The following SHROOM3 variants were observed in gnomAD, a reference collection of about 807,000 sequenced individuals.
SHROOM3 encodes protein Shroom3.
Under a neutral mutation model 138.6 loss-of-function variants are expected in SHROOM3, and 47 were observed. The observed-to-expected ratio is 0.34, with a 90% CI of 0.27 to 0.43. The LOEUF is 0.43. Among genes scored for constraint, SHROOM3 ranks in the 20% least tolerant of loss-of-function variants. The probability of loss-of-function intolerance (pLI) is 1.00; values close to 1 mark genes in which losing one functional copy is unlikely to be tolerated. For synonymous variants in SHROOM3, 1,062 were observed against 1,063.3 expected (o/e 1.00, Z 0.02); for missense variants, 2,491 against 2,596.5 (o/e 0.96, Z 0.88).
intron 2 of SHROOM3, among the ~76,000 whole-genome samples, chr4:76,578,882 A>G (rs1733987817): frequency 6.6e-6 from 1 of 152,244 alleles, no homozygotes; most frequent in South Asian, 2.1e-4. Flanking sequence ...TGAATTTAAT[A>G]AAGTTTTTTG....
intron 2 of SHROOM3, among the ~76,000 whole-genome samples, chr4:76,695,314 A>C (rs1031376165): frequency 1.3e-5 from 2 of 152,152 alleles, no homozygotes; most frequent in African/African-American, 2.4e-5. Flanking sequence ...ATTTGTGAAC[A>C]AAAAATTGGA....
chr4:76,771,578 C>T (rs953921937), intron 10 of SHROOM3, among the ~76,000 whole-genome samples: 1 of 152,170 alleles, frequency 6.6e-6, no homozygotes, highest in African/African-American at 2.4e-5. Flanking sequence ...TGAGGGGCCA[C>T]AGGCACTCAG....
chr4:76,623,462 T>C (rs919376630), intron 2 of SHROOM3, among the ~76,000 whole-genome samples: 3 of 152,228 alleles, frequency 2.0e-5, no homozygotes, highest in African/African-American at 7.2e-5. Context: ...GAAAGTTAAT[T>C]GCCAGAGGTT....
intron 2 of SHROOM3, among the ~76,000 whole-genome samples, chr4:76,680,786 A>G (rs1394389864): frequency 1.3e-5 from 2 of 152,364 alleles, no homozygotes; most frequent in East Asian, 3.9e-4. Flanking sequence ...TAAGCGCTGC[A>G]GCCAGGACTC....
rs117078450 is a variant in SHROOM3, at chr4:76,623,482, G to A, written c.323+67719G>A. 2.7e-4 allele frequency among the ~76,000 whole-genome samples: 41 copies of A among 152,306 alleles called. 1 individual carries two copies. In the East Asian group the frequency reaches 7.7e-3, roughly 29 times the overall value. ...TTAATTGCCAGAGGTTCCAAGGAAA[G>A]CACTGGACTACCACTCGGAATCCTC... On this transcript the variant is annotated intron_variant, in intron 2 of 10. Coordinates refer to ENST00000296043, the MANE Select transcript of SHROOM3 (RefSeq NM_020859.4).
intron 2 of SHROOM3, among the ~76,000 whole-genome samples, chr4:76,667,966 C>CAAAAAAAAAAAAAAAAAAAAAAA (rs747974205): frequency 1.6e-5 from 1 of 62,556 alleles, no homozygotes; most frequent in Non-Finnish European, 2.9e-5. Context: ...GACTCCCTCT[C>CAAAAAAAAAAAAAAAAAAAAAAA]AAAAAAAAAA....
Position 76,571,428 on chromosome 4 carries a change from A to C in SHROOM3, c.323+15665A>C, listed in dbSNP as rs367744780. On this transcript the variant is annotated intron_variant, in intron 2 of 10. Transcript: ENST00000296043. ...ATTTGCTTTGCTTTAAAGAAAGCAC[A>C]CACTGGGCCCTTTTGTTTTCCCAGC... Among the ~76,000 whole-genome samples the C allele has an allele frequency of 1.3e-5, 2 of 152,250 alleles. 1 individual carries two copies. Among genetic ancestry groups the C allele is most frequent in the East Asian group, 3.8e-4 (2 of 5,200 alleles).
At chr4:76,721,944 T>A (rs1410608184) in intron 3 of SHROOM3, among the ~76,000 whole-genome samples, 3 of 152,172 alleles carry the variant, frequency 2.0e-5, no homozygotes, top group Non-Finnish European at 4.4e-5. Context: ...CATGGTTATT[T>A]ATATTAATCC....
At chr4:76,744,177 ATTTGGAAAAC>A (rs1721355869) in intron 5 of SHROOM3, among the ~76,000 whole-genome samples, 1 of 152,220 alleles carries the variant, frequency 6.6e-6, no homozygotes, top group South Asian at 2.1e-4. Context: ...ACTTTGTATT[ATTTGGAAAAC>A]TTTTTAGAAA....
chr4:76,550,656 A>T (rs1228193284), intron 1 of SHROOM3, among the ~76,000 whole-genome samples: 1 of 152,136 alleles, frequency 6.6e-6, no homozygotes, highest in Non-Finnish European at 1.5e-5. Flanking sequence ...GAATCAAAAC[A>T]TGAAGTAGGG....
intron 1 of SHROOM3, among the ~76,000 whole-genome samples, chr4:76,510,543 G>GCTTA (rs1732313216): frequency 6.6e-6 from 1 of 152,228 alleles, no homozygotes; most frequent in African/African-American, 2.4e-5. Context: ...TACACAAAGT[G>GCTTA]CTTAGCACAG....
At chr4:76,498,463 C>G (rs947739422) in intron 1 of SHROOM3, among the ~76,000 whole-genome samples, 1 of 152,014 alleles carries the variant, frequency 6.6e-6, no homozygotes. Context: ...GGAGAGAGCT[C>G]GTCCTCTTTG....
At chr4:76,734,889 A>G (rs1332999148) in intron 4 of SHROOM3, among the ~76,000 whole-genome samples, 1 of 152,226 alleles carries the variant, frequency 6.6e-6, no homozygotes, top group African/African-American at 2.4e-5. Flanking sequence ...GGTAACAGGC[A>G]TAAAGGAGAG....
intron 2 of SHROOM3, among the ~76,000 whole-genome samples, chr4:76,665,105 G>C (rs780344563): frequency 5.3e-5 from 8 of 152,126 alleles, no homozygotes; most frequent in African/African-American, 1.2e-4. Context: ...TTCTTACCAG[G>C]GTTTCCACAG....
chr4:76,495,267 TG>T (rs1211582606), intron 1 of SHROOM3, among the ~76,000 whole-genome samples: 5 of 152,196 alleles, frequency 3.3e-5, no homozygotes, highest in Non-Finnish European at 7.3e-5. Context: ...AGCTGTAAGC[TG>T]TTGTATTGGC....
chr4:76,685,958 C>A (rs547310449), intron 2 of SHROOM3, among the ~76,000 whole-genome samples: 1 of 152,054 alleles, frequency 6.6e-6, no homozygotes, highest in African/African-American at 2.4e-5. Flanking sequence ...GGTGACAGAG[C>A]GAGACTCCAT....
intron 2 of SHROOM3, among the ~76,000 whole-genome samples, chr4:76,644,072 G>A (rs1176689155): frequency 1.3e-5 from 2 of 152,016 alleles, no homozygotes; most frequent in African/African-American, 4.8e-5. Flanking sequence ...TCAAACTCCT[G>A]ACCTCAGGTG....
At chr4:76,487,538 A>G (rs1731757965) in intron 1 of SHROOM3, among the ~76,000 whole-genome samples, 1 of 152,202 alleles carries the variant, frequency 6.6e-6, no homozygotes, top group Non-Finnish European at 1.5e-5. Context: ...ATTTAAAGTC[A>G]TCTTATTAAT....
chr4:76,459,485 TCG>T (rs1731098807), intron 1 of SHROOM3, among the ~76,000 whole-genome samples: 1 of 152,184 alleles, frequency 6.6e-6, no homozygotes, highest in Non-Finnish European at 1.5e-5. Flanking sequence ...TGACAGCACT[TCG>T]GCAGGGAGCT....
Sources: gnomAD v4.1 joint callset for allele counts (sites outside exome capture counted in the v4.1 genomes callset) on GRCh38, gnomAD v4.1.1 for gene constraint, MANE v1.5 for transcripts, NCBI Gene and HGNC (gene_info 2026-07-23, HGNC 2026-07-21) for gene names.